The following PTPRD variants were observed in gnomAD, a reference collection of about 807,000 sequenced individuals.
PTPRD encodes receptor-type tyrosine-protein phosphatase delta.
In PTPRD, 34 loss-of-function variants were observed where a neutral mutation model predicts 214.5. The ratio of observed to expected loss-of-function variants is 0.16; its 90% CI spans 0.12 to 0.21. The LOEUF is 0.21. Ranked by LOEUF, PTPRD falls within the 10% of genes least tolerant of loss-of-function variation. PTPRD has a pLI of 1.00. For synonymous variants in PTPRD, 1,128 were observed against 845.7 expected, an observed-to-expected ratio of 1.33 and a Z score of -5.79; for missense variants, 2,545 against 2,398.7, an observed-to-expected ratio of 1.06 and a Z score of -1.27.
At chr9:8,925,050 C>A (rs1046348602) in intron 11 of PTPRD, among the ~76,000 whole-genome samples, 2 of 152,106 alleles carry the variant, frequency 1.3e-5, no homozygotes, top group South Asian at 2.1e-4. Flanking sequence ...AAAACTAGAG[C>A]AATTCTTCCT....
In PTPRD at chr9:8,345,816, G is replaced by GT. The variant is rs990140542; in HGVS notation, c.4662-3839dup. On this transcript the variant is annotated intron_variant, in intron 39 of 45. Coordinates refer to ENST00000381196, the MANE Select transcript of PTPRD (RefSeq NM_002839.4). Reference sequence around the variant, plus strand: ...ACTGTGCCTCAGTATGTTTCGTTTTGTTTTTTTTATTTGACTCCAGTGCTA... The same window carrying GT: ...ACTGTGCCTCAGTATGTTTCGTTTTGTTTTTTTTTATTTGACTCCAGTGCTA... Among the ~76,000 whole-genome samples, 58 of 151,684 alleles carry GT rather than the reference G, an allele frequency of 3.8e-4. 1 individual carries two copies. In the East Asian group the frequency reaches 9.7e-3, roughly 25 times the overall value.
intron 30 of PTPRD, among the ~76,000 whole-genome samples, chr9:8,477,377 T>G (rs539829679): frequency 3.3e-5 from 5 of 152,302 alleles, no homozygotes; most frequent in Non-Finnish European, 5.9e-5. Flanking sequence ...AAATCTAACC[T>G]TCAGAGTTTT....
At chr9:8,554,513 A>ATG (rs2083124896) in intron 14 of PTPRD, among the ~76,000 whole-genome samples, 1 of 152,146 alleles carries the variant, frequency 6.6e-6, no homozygotes, top group African/African-American at 2.4e-5. Flanking sequence ...AGAGAGGTAT[A>ATG]TGATCACCCC....
chr9:10,441,076 T>C (rs1230013588), intron 2 of PTPRD, among the ~76,000 whole-genome samples: 1 of 151,746 alleles, frequency 6.6e-6, no homozygotes, highest in Non-Finnish European at 1.5e-5. Context: ...TAGGACTTCA[T>C]CGTTTCCAAC....
At chr9:9,075,159 T>C (rs1288683318) in intron 10 of PTPRD, among the ~76,000 whole-genome samples, 1 of 152,060 alleles carries the variant, frequency 6.6e-6, no homozygotes, top group Non-Finnish European at 1.5e-5. Flanking sequence ...TAATTTTTAA[T>C]TTTTGTGCAT....
chr9:8,338,476 G>C (rs1230530244), intron 43 of PTPRD, among the ~76,000 whole-genome samples: 1 of 152,064 alleles, frequency 6.6e-6, no homozygotes, highest in Admixed American at 6.6e-5. Context: ...AATGCCATTT[G>C]CTCTGCGGTT....
intron 3 of PTPRD, among the ~76,000 whole-genome samples, chr9:10,061,561 G>C (rs2097777740): frequency 6.6e-6 from 1 of 151,950 alleles, no homozygotes; most frequent in Admixed American, 6.6e-5. Context: ...AATTAGTCTA[G>C]AGTGAATCTT....
At chr9:9,467,270 T>C (rs2094244410) in intron 8 of PTPRD, among the ~76,000 whole-genome samples, 1 of 148,364 alleles carries the variant, frequency 6.7e-6, no homozygotes, top group Non-Finnish European at 1.5e-5. Flanking sequence ...TTTTTTGGTC[T>C]TCTCTTTGGC....
At chr9:8,978,479 G>C (rs2154338473) in intron 11 of PTPRD, among the ~76,000 whole-genome samples, 1 of 152,244 alleles carries the variant, frequency 6.6e-6, no homozygotes, top group South Asian at 2.1e-4. Context: ...GGTACATGGA[G>C]TCAGCATTAT....
chr9:10,274,605 C>G (rs911595569), intron 3 of PTPRD, among the ~76,000 whole-genome samples: 2 of 152,168 alleles, frequency 1.3e-5, no homozygotes, highest in African/African-American at 4.8e-5. Context: ...CATTCACCAC[C>G]TTTCACAAAC....
At chr9:9,744,899 C>T (rs1197690812) in intron 6 of PTPRD, among the ~76,000 whole-genome samples, 2 of 151,904 alleles carry the variant, frequency 1.3e-5, no homozygotes, top group Non-Finnish European at 2.9e-5. Context: ...TTGAGTATAT[C>T]ATTTGCATGT....
chr9:10,237,809 G>A lies in PTPRD; in HGVS notation c.-545+103154C>T, dbSNP rs114266112. ...CAACATAGCATCACCATCATTATGA[G>A]TATAGTGTCCATGTTGGACCAGATT... On this transcript the variant is annotated intron_variant, in intron 3 of 45. Transcript: ENST00000381196. Among the ~76,000 whole-genome samples the A allele has an allele frequency of 5.9e-3, 900 of 152,038 alleles. 6 individuals are homozygous for A. The highest frequency in any genetic ancestry group is 0.02 in the African/African-American group (851 of 41,520).
intron 5 of PTPRD, chr9:9,800,456 GATCCCTGGAGA>G (rs2099031884): frequency 6.6e-6 from 1 of 152,146 alleles, no homozygotes; most frequent in African/African-American, 2.4e-5. Flanking sequence ...TGAATCACAG[GATCCCTGGAGA>G]AAAAGGGTAA....
At chr9:9,443,627 T>G (rs2089198467) in intron 8 of PTPRD, among the ~76,000 whole-genome samples, 1 of 152,172 alleles carries the variant, frequency 6.6e-6, no homozygotes. Context: ...GGAGAAGCCA[T>G]GAGAACACAT....
At chr9:8,507,482 T>C in intron 21 of PTPRD, 48 bp from the exon 22 acceptor site, 1 of 1,610,700 alleles carries the variant, frequency 6.2e-7, no homozygotes, top group Admixed American at 1.7e-5. Flanking sequence ...CCAGGAGTAT[T>C]CACAAAGTTC....
chr9:8,351,540 A>G (rs1056152386), intron 39 of PTPRD, among the ~76,000 whole-genome samples: 1 of 151,972 alleles, frequency 6.6e-6, no homozygotes, highest in African/African-American at 2.4e-5. Context: ...AAAGACACAG[A>G]GAGAAAAGAT....
chr9:10,351,448 G>C (rs1394508391), intron 2 of PTPRD, among the ~76,000 whole-genome samples: 4 of 151,984 alleles, frequency 2.6e-5, no homozygotes, highest in Non-Finnish European at 5.9e-5. Flanking sequence ...AAAGGGAATG[G>C]ATTTGTTCAA....
intron 11 of PTPRD, among the ~76,000 whole-genome samples, chr9:8,975,860 G>C (rs2099265244): frequency 6.6e-6 from 1 of 151,294 alleles, no homozygotes. Context: ...CTCTATGCTA[G>C]CTTTCTTACT....
chr9:10,461,034 C>T (rs1054648504), intron 2 of PTPRD, among the ~76,000 whole-genome samples: 6 of 151,934 alleles, frequency 3.9e-5, no homozygotes, highest in African/African-American at 1.5e-4. Flanking sequence ...ATAATTCATA[C>T]AACTTAATAT....
Sources: gnomAD v4.1 joint callset for allele counts (sites outside exome capture counted in the v4.1 genomes callset) on GRCh38, gnomAD v4.1.1 for gene constraint, MANE v1.5 for transcripts, NCBI Gene and HGNC (gene_info 2026-07-23, HGNC 2026-07-21) for gene names.